The following NUF2 variants were observed in gnomAD, a reference collection of about 807,000 sequenced individuals.
NUF2 encodes kinetochore protein Nuf2.
NUF2 carries 34 observed loss-of-function variants against 61.8 expected under a neutral mutation model. The ratio of observed to expected loss-of-function variants is 0.55; its 90% CI spans 0.42 to 0.73. NUF2 has a LOEUF of 0.73. Ranked by LOEUF, NUF2 falls within the 30% of genes least tolerant of loss-of-function variation. NUF2 has a pLI of 0.00. For synonymous variants in NUF2, 172 were observed against 181.6 expected (o/e 0.95, Z 0.42); for missense variants, 445 against 539.1 (o/e 0.83, Z 1.73).
chr1:163,328,172 T>C, intron 3 of NUF2, 56 bp from the exon 4 acceptor site: 1 of 1,117,786 alleles, frequency 8.9e-7, no homozygotes, highest in South Asian at 1.4e-5. Context: ...GTTGAAGATT[T>C]TTCTCATTTT....
chr1:163,332,278 G>C (rs75648421), intron 5 of NUF2, among the ~76,000 whole-genome samples: 1 of 151,978 alleles, frequency 6.6e-6, no homozygotes, highest in Admixed American at 6.5e-5. Flanking sequence ...AATATTTGGG[G>C]ATTTTCCCAC....
At chr1:163,322,448 A>C (rs1457104383) in intron 1 of NUF2, among the ~76,000 whole-genome samples, 1 of 152,220 alleles carries the variant, frequency 6.6e-6, no homozygotes, top group Non-Finnish European at 1.5e-5. Context: ...TCCGTTGCCA[A>C]ACGTTTCTTA....
rs925643975 is a variant in NUF2 at position 163,345,788 on chromosome 1, T to C, written c.918T>C (p.Asn306=). ...YQKKIQDLSD[N]REKLASILKE... ...AGAAAATACAGGACCTTTCAGATAA[T>C]AGGGAAAAATTAGCCAGTATCTTAA... Residue 306 remains asparagine (N), a synonymous_variant, in exon 11 of 14, where the codon AAT becomes AAC. Coordinates refer to ENST00000271452, the MANE Select transcript of NUF2 (RefSeq NM_145697.3). 1.2e-6 allele frequency: 2 copies of C among 1,607,636 alleles called. No homozygotes were observed. Among genetic ancestry groups the C allele is most frequent in the Non-Finnish European group, 8.5e-7 (1 of 1,175,706 alleles).
Position 163,336,805 on chromosome 1 carries a change from G to A in NUF2, c.392G>A (p.Arg131Lys). ...LSGIINFIHF[R>K]EACRETYMEF... is the part of the protein sequence containing the mutation. ...GGCATTATCAACTTTATTCACTTCAGAGAAGCATGCCGTGAAACGTATATG... is the reference window on the plus strand; with the variant it reads ...GGCATTATCAACTTTATTCACTTCAAAGAAGCATGCCGTGAAACGTATATG... Residue 131 changes from arginine to lysine, a missense_variant, in exon 6 of 14, where the codon AGA (arginine) becomes AAA (lysine). Coordinates refer to ENST00000271452, the MANE Select transcript of NUF2 (RefSeq NM_145697.3). 9 of 1,612,992 alleles carry A rather than the reference G, an allele frequency of 5.6e-6. No homozygotes were observed. Among genetic ancestry groups the A allele is most frequent in the Non-Finnish European group, 7.6e-6 (9 of 1,179,286 alleles).
In NUF2 at chr1:163,326,311, CA is replaced by C. The variant is rs1479001642; in HGVS notation, c.123+138del. ...TCATTTTCATTGAGAGAGAATCTCT[CA>C]CCTAGCATAATTTAAAAATAACACT... On this transcript the variant is annotated intron_variant, in intron 2 of 13. Coordinates refer to ENST00000271452, the MANE Select transcript of NUF2 (RefSeq NM_145697.3). The C allele has an allele frequency of 1.6e-5, 11 of 668,026 alleles. No homozygotes were observed. In the African/African-American group the frequency reaches 2.0e-4, roughly 12 times the overall value. 41.4% of individuals were successfully genotyped at this position (668,026 alleles called of 1,614,324 possible).
chr1:163,324,903 T>C (rs1463587178), intron 1 of NUF2, among the ~76,000 whole-genome samples: 1 of 119,704 alleles, frequency 8.4e-6, no homozygotes, highest in African/African-American at 3.1e-5. Flanking sequence ...TTTCTTTCTT[T>C]TTTTTTTTTT....
In NUF2 at chr1:163,349,096, T is replaced by C; in HGVS notation, c.1260+16T>C. 1.3e-6 allele frequency: 2 copies of C among 1,583,256 alleles called. No homozygotes were observed. Among genetic ancestry groups the C allele is most frequent in the Non-Finnish European group, 1.7e-6 (2 of 1,171,150 alleles). On this transcript the variant is annotated intron_variant, in intron 13 of 13. Transcript: ENST00000271452. The stretch of plus-strand genomic sequence containing the variant: ...GAAGTCCCAGGTGAATATGTGTTCA[T>C]AAGAAGTTAATTTCAAATAATCTCT...
rs1430122434 is a variant in NUF2, at chr1:163,328,651, T to C, written c.276-195T>C. On this transcript the variant is annotated intron_variant, in intron 4 of 13. Coordinates refer to ENST00000271452, the MANE Select transcript of NUF2 (RefSeq NM_145697.3). ...TAACTATACTTTAGTATTGCATGAC[T>C]ACATGATTAATATACAGAAAAAATA... is the stretch of plus-strand genomic sequence containing the variant. 31 of 524,288 alleles carry C rather than the reference T, an allele frequency of 5.9e-5. No homozygotes were observed. In the East Asian group the frequency reaches 8.3e-4, roughly 14 times the overall value. The allele number at this position is 524,288 out of a possible 1,614,324, so 32.5% of individuals were successfully genotyped here. A position where few individuals can be genotyped will look rare whatever the true frequency, so the allele number is the denominator to read the frequency against.
chr1:163,328,552 G>A (rs1012483686), intron 4 of NUF2: 6 of 500,850 alleles, frequency 1.2e-5, no homozygotes, highest in South Asian at 3.5e-5. Flanking sequence ...ATTGTTTACC[G>A]TCTTTGTGAA....
rs1379040406 is a variant in NUF2, at chr1:163,322,186, G to C, written c.-47G>C. 3 of 152,296 alleles carry C rather than the reference G, an allele frequency of 2.0e-5. No homozygotes were observed. The highest frequency in any genetic ancestry group is 7.2e-5 in the African/African-American group (3 of 41,440). The allele number at this position is 152,296 out of a possible 1,614,324, so 9.4% of individuals were successfully genotyped here. On this transcript the variant is annotated 5_prime_UTR_variant, in exon 1 of 14. Transcript: ENST00000271452. ...TTTTCGTCGTGCTCAGCGGTGGGAG[G>C]AGGCGGAAGAAACCAGAGCCTGGGA...
At chr1:163,331,879 T>C (rs1288494412) in intron 5 of NUF2, among the ~76,000 whole-genome samples, 3 of 152,072 alleles carry the variant, frequency 2.0e-5, no homozygotes, top group Admixed American at 6.6e-5. Flanking sequence ...TCTTTTTTTT[T>C]CCTAACCAGT....
At chr1:163,328,786 T>C in intron 4 of NUF2, 60 bp from the exon 5 acceptor site, 1 of 1,016,774 alleles carries the variant, frequency 9.8e-7, no homozygotes, top group East Asian at 2.4e-5. Context: ...TTATATCCTA[T>C]AGCTTAGCAT....
chr1:163,326,300 A>T, intron 2 of NUF2, 126 bp downstream of exon 2: 1 of 775,330 alleles, frequency 1.3e-6, no homozygotes, highest in Non-Finnish European at 2.0e-6. Context: ...TTTCATTGAG[A>T]GAGAATCTCT....
At chr1:163,328,126 A>C in intron 3 of NUF2, 102 bp from the exon 4 acceptor site, 1 of 692,000 alleles carries the variant, frequency 1.4e-6, no homozygotes, top group Non-Finnish European at 2.5e-6. Flanking sequence ...TAAGGTTTTT[A>C]ATTTAATGAT....
chr1:163,341,271 G>A (rs1048846081), intron 9 of NUF2, among the ~76,000 whole-genome samples: 6 of 151,946 alleles, frequency 3.9e-5, no homozygotes, highest in East Asian at 1.9e-4. Flanking sequence ...GTGCAGTGGC[G>A]CGATCTTGGC....
intron 10 of NUF2, among the ~76,000 whole-genome samples, chr1:163,345,126 G>A (rs189452343): frequency 4.9e-4 from 74 of 152,208 alleles, no homozygotes; most frequent in African/African-American, 1.3e-3. Flanking sequence ...GATTTGCAAA[G>A]AGTATTTTAC....
intron 5 of NUF2, among the ~76,000 whole-genome samples, chr1:163,334,117 G>A (rs1650680902): frequency 1.3e-5 from 2 of 152,188 alleles, no homozygotes; most frequent in African/African-American, 2.4e-5. Flanking sequence ...ATGGCCTCAA[G>A]TTCCAACCAT....
chr1:163,326,522 G>A (rs192102720), intron 2 of NUF2, among the ~76,000 whole-genome samples: 3 of 152,048 alleles, frequency 2.0e-5, no homozygotes, highest in South Asian at 2.1e-4. Context: ...TATTCCAAGT[G>A]GTTTTCAACC....
Position 163,338,062 on chromosome 1 carries a change from C to G in NUF2, c.478C>G (p.Gln160Glu). ...AATGCAACAGTTAAACGCCGCACAC[C>G]AGGAGGCATTAATGAAACTGGAGAG... ...DKMQQLNAAHQEALMKLERLD... is the reference protein window; with the variant it reads ...DKMQQLNAAHEEALMKLERLD... The change falls in exon 7 of 14, where the codon CAG becomes GAG. Residue 160 changes from glutamine (Q) to glutamate (E), a missense_variant. Physicochemically the swap from Gln to Glu is conservative, Grantham distance 29 (BLOSUM62 2). Coordinates refer to ENST00000271452, the MANE Select transcript of NUF2 (RefSeq NM_145697.3). 6.2e-7 allele frequency: 1 copy of G among 1,612,794 alleles called. No individual in the cohort carries two copies. Among genetic ancestry groups the G allele is most frequent in the Non-Finnish European group, 8.5e-7 (1 of 1,179,160 alleles).
Sources: allele counts gnomAD v4.1 joint callset (sites outside exome capture counted in the v4.1 genomes callset), GRCh38; gene constraint gnomAD v4.1.1; transcripts MANE v1.5; gene names NCBI Gene and HGNC (gene_info 2026-07-23, HGNC 2026-07-21).